The following FAM174A variants were observed in gnomAD, a reference collection of about 807,000 sequenced individuals.
FAM174A encodes family with sequence similarity 174 member A, also known as membrane protein FAM174A.
A neutral mutation model predicts 14.3 loss-of-function variants in FAM174A; 14 were observed. The observed-to-expected ratio is 0.98, with a 90% CI of 0.65 to 1.53. FAM174A has a LOEUF of 1.53. Among genes scored for constraint, FAM174A ranks in the 40% most tolerant of loss-of-function variants. FAM174A has a pLI of 0.00. For synonymous variants in FAM174A, 108 were observed against 111.4 expected (o/e 0.97, Z 0.19); for missense variants, 241 against 249.6 (o/e 0.97, Z 0.23).
Position 100,573,198 on chromosome 5 carries a change from A to G in FAM174A, c.569+11010A>G, listed in dbSNP as rs868397915. On this transcript the variant is annotated intron_variant, in intron 2 of 2. Coordinates refer to ENST00000312637, the MANE Select transcript of FAM174A (RefSeq NM_198507.3). The stretch of plus-strand genomic sequence containing the variant: ...TTGCGAAAATTTTCTCCCATTTTGT[A>G]GGTTGCCTGTTCACTCTGATGGTAG... Among the ~76,000 whole-genome samples, 15 of 151,822 alleles carry G rather than the reference A, an allele frequency of 9.9e-5. 1 individual carries two copies. The Middle Eastern group carries it at 0.02, about 207-fold the overall frequency.
chr5:100,584,765 A>AT (rs1046341088), intron 2 of FAM174A, among the ~76,000 whole-genome samples: 8 of 150,996 alleles, frequency 5.3e-5, no homozygotes, highest in Admixed American at 1.3e-4. Flanking sequence ...ACAGTTTCAC[A>AT]TTTTTTTTTC....
intron 1 of FAM174A, among the ~76,000 whole-genome samples, chr5:100,554,017 T>C (rs1437812901): frequency 6.6e-6 from 1 of 152,172 alleles, no homozygotes; most frequent in Non-Finnish European, 1.5e-5. Context: ...GACTATTTGA[T>C]ATATATGACC....
chr5:100,564,335 A>AC (rs1181119750), intron 2 of FAM174A, among the ~76,000 whole-genome samples: 1 of 140,656 alleles, frequency 7.1e-6, no homozygotes, highest in Non-Finnish European at 1.6e-5. Context: ...CTATTTTGAG[A>AC]CAAAAAAAAA....
At chr5:100,555,657 A>G (rs1460809087) in intron 1 of FAM174A, among the ~76,000 whole-genome samples, 2 of 151,972 alleles carry the variant, frequency 1.3e-5, no homozygotes, top group East Asian at 3.9e-4. Context: ...TGTGGTTTTG[A>G]TTTGCATTTC....
At chr5:100,548,686 A>G (rs1166784370) in intron 1 of FAM174A, among the ~76,000 whole-genome samples, 1 of 152,132 alleles carries the variant, frequency 6.6e-6, no homozygotes. Flanking sequence ...TGTGGATGAA[A>G]TGAAGGTACT....
In FAM174A at chr5:100,569,672, G is replaced by C. The variant is rs1190183067; in HGVS notation, c.569+7484G>C. On this transcript the variant is annotated intron_variant, in intron 2 of 2. Transcript: ENST00000312637. ...CTATAAGATGATATCCTACTGGGCA[G>C]AGCAAATTGGATAGATTCATTCTTT... 3.9e-5 allele frequency among the ~76,000 whole-genome samples: 6 copies of C among 151,990 alleles called. No homozygotes were observed. The South Asian group carries it at 1.0e-3, about 26-fold the overall frequency.
At chr5:100,550,204 C>T (rs1296815245) in intron 1 of FAM174A, among the ~76,000 whole-genome samples, 1 of 152,132 alleles carries the variant, frequency 6.6e-6, no homozygotes, top group Admixed American at 6.6e-5. Context: ...ATGCCTAAAA[C>T]ATCCTAAATG....
chr5:100,567,362 C>CA (rs1276159693), intron 2 of FAM174A, among the ~76,000 whole-genome samples: 6 of 150,744 alleles, frequency 4.0e-5, no homozygotes, highest in Non-Finnish European at 7.4e-5. Context: ...GAGAGCAGAA[C>CA]AAAACAAAAC....
intron 2 of FAM174A, among the ~76,000 whole-genome samples, chr5:100,583,673 T>G (rs530601593): frequency 6.6e-6 from 1 of 152,302 alleles, no homozygotes; most frequent in East Asian, 1.9e-4. Flanking sequence ...GTTTCTTTCA[T>G]GATTTCCTTG....
rs1729744858 is a variant in FAM174A, at chr5:100,535,898, G to A, written c.368G>A (p.Arg123Gln). 6.2e-7 allele frequency: 1 copy of A among 1,612,560 alleles called. No individual in the cohort carries two copies. The highest frequency in any genetic ancestry group is 8.5e-7 in the Non-Finnish European group (1 of 1,179,434). Residue 123 changes from arginine to glutamine, a missense_variant, in exon 1 of 3, where the codon CGG (arginine) becomes CAG (glutamine). Physicochemically the swap from Arg to Gln is conservative, Grantham distance 43. Transcript: ENST00000312637. ...PNPGDKPMTQ[R>Q]ALTVLMVVSG... ...CCTGGCGACAAGCCCATGACCCAGC[G>A]GGCCCTGACCGTGTTGATGGTGGTG...
intron 1 of FAM174A, among the ~76,000 whole-genome samples, chr5:100,561,511 A>C (rs1427152582): frequency 6.6e-6 from 1 of 151,964 alleles, no homozygotes; most frequent in African/African-American, 2.4e-5. Flanking sequence ...ATTCATATTT[A>C]GTTCTTTTTT....
intron 2 of FAM174A, among the ~76,000 whole-genome samples, chr5:100,576,359 G>A (rs1004247107): frequency 5.3e-5 from 8 of 151,954 alleles, no homozygotes; most frequent in Non-Finnish European, 1.0e-4. Context: ...TCATTGTCCT[G>A]TGTTGTTTTT....
Position 100,586,207 on chromosome 5 carries a change from A to C in FAM174A, c.*23A>C. ...TAAGAATGTGCCTTTTGATGAAAGA[A>C]CTTTATCTTTCTACAATGAAGAGTG... is the stretch of plus-strand genomic sequence containing the variant. On this transcript the variant is annotated 3_prime_UTR_variant, in exon 3 of 3. Transcript: ENST00000312637. The C allele has an allele frequency of 7.1e-7, 1 of 1,414,686 alleles. No individual in the cohort carries two copies. The highest frequency in any genetic ancestry group is 9.7e-7 in the Non-Finnish European group (1 of 1,027,668). 87.6% of individuals were successfully genotyped at this position (1,414,686 alleles called of 1,614,324 possible). A position where few individuals can be genotyped will look rare whatever the true frequency, so the allele number is the denominator to read the frequency against.
intron 1 of FAM174A, among the ~76,000 whole-genome samples, chr5:100,542,834 TTA>T (rs112675245): frequency 2.2e-4 from 33 of 150,766 alleles, no homozygotes; most frequent in Admixed American, 4.6e-4. Context: ...CTTATTATAT[TTA>T]TATATATATA....
chr5:100,586,277 G>T lies in FAM174A; in HGVS notation c.*93G>T. ...ATAAGAAGCCACTATATCAATGTTGGGGGGGTATTTAAGTTACATATATTT... is the reference window on the plus strand; with the variant it reads ...ATAAGAAGCCACTATATCAATGTTGTGGGGGTATTTAAGTTACATATATTT... On this transcript the variant is annotated 3_prime_UTR_variant, in exon 3 of 3. Transcript: ENST00000312637. The T allele has an allele frequency of 1.2e-6, 1 of 821,256 alleles. No homozygotes were observed. The highest frequency in any genetic ancestry group is 1.9e-6 in the Non-Finnish European group (1 of 520,508). 50.9% of individuals were successfully genotyped at this position (821,256 alleles called of 1,614,324 possible). A position where few individuals can be genotyped will look rare whatever the true frequency, so the allele number is the denominator to read the frequency against.
At chr5:100,539,327 A>G (rs1412885400) in intron 1 of FAM174A, among the ~76,000 whole-genome samples, 1 of 152,172 alleles carries the variant, frequency 6.6e-6, no homozygotes, top group East Asian at 1.9e-4. Context: ...AATCACATAG[A>G]TAAGTACATA....
intron 1 of FAM174A, among the ~76,000 whole-genome samples, chr5:100,560,815 A>G (rs1746508404): frequency 1.3e-5 from 2 of 151,946 alleles, no homozygotes; most frequent in Non-Finnish European, 2.9e-5. Context: ...AATATTTTCT[A>G]TTTATTTTCA....
intron 1 of FAM174A, among the ~76,000 whole-genome samples, chr5:100,548,783 G>A (rs960312302): frequency 2.6e-5 from 4 of 152,080 alleles, no homozygotes; most frequent in Non-Finnish European, 4.4e-5. Context: ...CAGAACATCA[G>A]CTCTTCATAA....
chr5:100,548,933 T>C (rs1308077764), intron 1 of FAM174A, among the ~76,000 whole-genome samples: 1 of 152,100 alleles, frequency 6.6e-6, no homozygotes, highest in Admixed American at 6.6e-5. Context: ...ACTTATGAAA[T>C]AGAAGCTTTA....
Sources: gnomAD v4.1 joint callset for allele counts (sites outside exome capture counted in the v4.1 genomes callset) on GRCh38, gnomAD v4.1.1 for gene constraint, MANE v1.5 for transcripts, NCBI Gene and HGNC (gene_info 2026-07-23, HGNC 2026-07-21) for gene names.